Variants in FANCC observed in about 807,000 individuals in gnomAD.
The protein encoded by FANCC is FA complementation group C.
A neutral mutation model predicts 71.3 loss-of-function variants in FANCC; 55 were observed. The observed-to-expected ratio is 0.77, with a 90% CI of 0.62 to 0.97. The LOEUF (loss-of-function observed/expected upper bound fraction) is 0.97, where lower values mean the gene tolerates loss of function less well. Among genes scored for constraint, FANCC ranks in the 50% least tolerant of loss-of-function variants. The pLI, the probability that FANCC is intolerant of heterozygous loss-of-function variation, is 0.00. For synonymous variants in FANCC, 275 were observed against 244.9 expected, an observed-to-expected ratio of 1.12 and a Z score of -1.15; for missense variants, 678 against 670.9, an observed-to-expected ratio of 1.01 and a Z score of -0.12.
Position 95,114,611 on chromosome 9 carries a change from T to A in FANCC, c.1154+18A>T. The A allele has an allele frequency of 6.2e-7, 1 of 1,605,090 alleles. No individual in the cohort carries two copies. The highest frequency in any genetic ancestry group is 1.1e-5 in the South Asian group (1 of 90,874). On this transcript the variant is annotated intron_variant, in intron 12 of 14. Coordinates refer to ENST00000289081, the MANE Select transcript of FANCC (RefSeq NM_000136.3). ...ACCATGTGTGAAGTAGATTTGGGAGTGGTCAGTGTTTGCTCACCCATGAGT... is the reference window on the plus strand; with the variant it reads ...ACCATGTGTGAAGTAGATTTGGGAGAGGTCAGTGTTTGCTCACCCATGAGT...
At chr9:95,139,374 A>G (rs533827386) in intron 7 of FANCC, among the ~76,000 whole-genome samples, 59 of 152,306 alleles carry the variant, frequency 3.9e-4, no homozygotes, top group African/African-American at 1.3e-3. Flanking sequence ...GGTGCCACTG[A>G]AGAAAATGCA....
chr9:95,209,878 C>T (rs1472368844), intron 4 of FANCC, among the ~76,000 whole-genome samples: 1 of 152,130 alleles, frequency 6.6e-6, no homozygotes, highest in Non-Finnish European at 1.5e-5. Flanking sequence ...AAGATTGTAA[C>T]CTGAAATATC....
intron 6 of FANCC, 42 bp from the exon 7 acceptor site, chr9:95,150,129 A>T (rs1252963821): frequency 6.2e-7 from 1 of 1,608,108 alleles, no homozygotes. Flanking sequence ...TCTAAGAGCC[A>T]TGCATAATTA....
rs552639245 is a variant in FANCC, at chr9:95,298,571, G to A, written c.-79+18955C>T. Among the ~76,000 whole-genome samples the A allele has an allele frequency of 4.6e-5, 7 of 152,306 alleles. No homozygotes were observed. The South Asian group carries it at 1.5e-3, about 32-fold the overall frequency. ...TGGGCCAAGGACAATAGAGATATGG[G>A]AGCAAAGGATGGCTCAGCTGGCCTG... On this transcript the variant is annotated intron_variant, in intron 1 of 14. Coordinates refer to ENST00000289081, the MANE Select transcript of FANCC (RefSeq NM_000136.3).
At chr9:95,118,431 G>A (rs1225946826) in intron 10 of FANCC, among the ~76,000 whole-genome samples, 1 of 152,196 alleles carries the variant, frequency 6.6e-6, no homozygotes, top group Admixed American at 6.5e-5. Flanking sequence ...TTTAAAAATT[G>A]AGGTAAAATC....
At chr9:95,178,117 A>C (rs1826124796) in intron 4 of FANCC, among the ~76,000 whole-genome samples, 1 of 152,050 alleles carries the variant, frequency 6.6e-6, no homozygotes, top group African/African-American at 2.4e-5. Context: ...AATTCTTCCA[A>C]TGTAGCCCAG....
intron 13 of FANCC, chr9:95,111,237 A>G (rs2071896662): frequency 3.3e-6 from 5 of 1,537,802 alleles, no homozygotes; most frequent in Middle Eastern, 3.3e-4. Flanking sequence ...TTTGCAGGAG[A>G]ATGGGCTGGC....
At chr9:95,227,228 C>G (rs1465160765) in intron 4 of FANCC, among the ~76,000 whole-genome samples, 1 of 152,146 alleles carries the variant, frequency 6.6e-6, no homozygotes, top group Non-Finnish European at 1.5e-5. Flanking sequence ...CGCCATAGGT[C>G]CTTTTTCCTT....
chr9:95,307,994 G>A (rs1056571764), intron 1 of FANCC, among the ~76,000 whole-genome samples: 4 of 152,186 alleles, frequency 2.6e-5, no homozygotes, highest in Admixed American at 6.5e-5. Flanking sequence ...GGCCAAACTC[G>A]CTTTTATAAC....
chr9:95,241,311 T>C (rs1022850734), intron 3 of FANCC, among the ~76,000 whole-genome samples: 3 of 152,230 alleles, frequency 2.0e-5, no homozygotes, highest in Non-Finnish European at 2.9e-5. Context: ...ACCAAGTGCT[T>C]TGGATAAAAT....
intron 8 of FANCC, among the ~76,000 whole-genome samples, chr9:95,127,647 T>C (rs1826206411): frequency 6.6e-6 from 1 of 152,200 alleles, no homozygotes; most frequent in East Asian, 1.9e-4. Flanking sequence ...CAGGCGCTAT[T>C]GGAAATTCAA....
At chr9:95,130,310 G>GAC (rs1455742523) in intron 8 of FANCC, among the ~76,000 whole-genome samples, 1 of 152,030 alleles carries the variant, frequency 6.6e-6, no homozygotes, top group Non-Finnish European at 1.5e-5. Flanking sequence ...GAGAGAGAGA[G>GAC]AGAGAGAGAG....
At chr9:95,104,017 G>GGA (rs374479510) in intron 14 of FANCC, among the ~76,000 whole-genome samples, 1 of 152,178 alleles carries the variant, frequency 6.6e-6, no homozygotes, top group Non-Finnish European at 1.5e-5. Flanking sequence ...TCCTGAGGGT[G>GGA]GAGAGACCCA....
chr9:95,285,515 CACT>C (rs1254541163), intron 1 of FANCC, among the ~76,000 whole-genome samples: 1 of 152,008 alleles, frequency 6.6e-6, no homozygotes, highest in Non-Finnish European at 1.5e-5. Context: ...TGAAAAATAA[CACT>C]ACAAGTCAAA....
rs780382671 is a variant in FANCC at position 95,100,239 on chromosome 9, G to A, written c.*1468C>T. On this transcript the variant is annotated 3_prime_UTR_variant, in exon 15 of 15. Coordinates refer to ENST00000289081, the MANE Select transcript of FANCC (RefSeq NM_000136.3). ...GGCAATGACCATGAGCACGAAGCAT[G>A]TTATATGAAGGCAATGACCATGATG... The A allele has an allele frequency of 3.1e-5, 7 of 226,278 alleles. No individual in the cohort carries two copies. Among genetic ancestry groups the A allele is most frequent in the Non-Finnish European group, 5.1e-5 (6 of 117,836 alleles). The allele number at this position is 226,278 out of a possible 1,614,324, so 14.0% of individuals were successfully genotyped here.
rs760413505 is a variant in FANCC at position 95,101,693 on chromosome 9, G to A, written c.*14C>T. Reference sequence around the variant, plus strand: ...GATCCCTCACGCCGGGCACCCACACGGCCTGCGTGCCTTCTAGACTTGAGT... The same window carrying A: ...GATCCCTCACGCCGGGCACCCACACAGCCTGCGTGCCTTCTAGACTTGAGT... On this transcript the variant is annotated 3_prime_UTR_variant, in exon 15 of 15. Transcript: ENST00000289081. 27 of 1,613,396 alleles carry A rather than the reference G, an allele frequency of 1.7e-5. No individual in the cohort carries two copies. Among genetic ancestry groups the A allele is most frequent in the African/African-American group, 8.0e-5 (6 of 75,038 alleles).
chr9:95,231,487 G>A (rs555036891), intron 4 of FANCC, among the ~76,000 whole-genome samples: 17 of 152,236 alleles, frequency 1.1e-4, no homozygotes, highest in African/African-American at 2.6e-4. Context: ...AATGGCAGGC[G>A]GGAAGCACTC....
intron 4 of FANCC, among the ~76,000 whole-genome samples, chr9:95,217,898 T>C (rs1045408842): frequency 2.6e-5 from 4 of 152,224 alleles, no homozygotes; most frequent in Non-Finnish European, 1.5e-5. Flanking sequence ...CAAATTCCAA[T>C]GTCAGAAATA....
At chr9:95,238,170 T>C (rs1160380886) in intron 4 of FANCC, among the ~76,000 whole-genome samples, 2 of 152,144 alleles carry the variant, frequency 1.3e-5, no homozygotes, top group East Asian at 3.9e-4. Context: ...CTCTCTCTAG[T>C]TCCCCTGGGC....
Sources: gnomAD v4.1 joint callset for allele counts (sites outside exome capture counted in the v4.1 genomes callset) on GRCh38, gnomAD v4.1.1 for gene constraint, MANE v1.5 for transcripts, NCBI Gene and HGNC (gene_info 2026-07-23, HGNC 2026-07-21) for gene names.